ALG14: variants seen among roughly 807,000 people sequenced by gnomAD.
ALG14 encodes ALG14 UDP-N-acetylglucosaminyltransferase subunit, also known as UDP-N-acetylglucosamine transferase subunit ALG14.
ALG14 carries 17 observed loss-of-function variants against 22.8 expected under a neutral mutation model. The observed-to-expected ratio is 0.75, with a 90% CI of 0.51 to 1.12. ALG14 has a LOEUF of 1.12. Ranked by LOEUF, ALG14 falls within the 50% of genes most tolerant of loss-of-function variation. The probability of loss-of-function intolerance (pLI) is 0.00; values close to 1 mark genes in which losing one functional copy is unlikely to be tolerated. For missense variants in ALG14, 288 were observed against 271.8 expected (o/e 1.06, Z -0.42); for synonymous variants, 89 against 103.7 (o/e 0.86, Z 0.86).
chr1:94,988,925 C>T (rs1333799086), intron 3 of ALG14, among the ~76,000 whole-genome samples: 1 of 152,102 alleles, frequency 6.6e-6, no homozygotes, highest in East Asian at 1.9e-4. Context: ...TAACTTACGT[C>T]TTTGTATATA....
chr1:94,994,844 A>C (rs148877928), intron 3 of ALG14, among the ~76,000 whole-genome samples: 73 of 152,348 alleles, frequency 4.8e-4, no homozygotes, highest in Non-Finnish European at 5.3e-4. Context: ...TATAGCTTTA[A>C]TAGAGATATC....
At chr1:94,996,115 G>A (rs773661681) in intron 3 of ALG14, among the ~76,000 whole-genome samples, 3 of 152,196 alleles carry the variant, frequency 2.0e-5, no homozygotes, top group Non-Finnish European at 4.4e-5. Flanking sequence ...GCAAGTAGAG[G>A]AGTGACTCTA....
intron 3 of ALG14, among the ~76,000 whole-genome samples, chr1:94,998,559 T>G (rs928349137): frequency 1.3e-5 from 2 of 152,220 alleles, no homozygotes; most frequent in African/African-American, 4.8e-5. Context: ...CTCATCTATA[T>G]GACTTTATTA....
At chr1:95,012,119 C>T (rs771499344) in intron 3 of ALG14, among the ~76,000 whole-genome samples, 3 of 152,130 alleles carry the variant, frequency 2.0e-5, no homozygotes, top group African/African-American at 4.8e-5. Flanking sequence ...GTAAAACGTG[C>T]CTTTTGCCTT....
At chr1:95,028,843 C>A (rs999106611) in intron 2 of ALG14, among the ~76,000 whole-genome samples, 1 of 151,864 alleles carries the variant, frequency 6.6e-6, no homozygotes, top group African/African-American at 2.4e-5. Flanking sequence ...AACTACATGC[C>A]AGAAATTACA....
chr1:95,052,139 ATATTTTCAGG>A (rs1674771059), intron 2 of ALG14, among the ~76,000 whole-genome samples: 1 of 152,220 alleles, frequency 6.6e-6, no homozygotes, highest in African/African-American at 2.4e-5. Context: ...AAACCAAGAC[ATATTTTCAGG>A]TAAACAAACA....
At chr1:95,068,915 C>T in intron 1 of ALG14, among the ~76,000 whole-genome samples, 1 of 152,032 alleles carries the variant, frequency 6.6e-6, no homozygotes, top group East Asian at 1.9e-4. Flanking sequence ...CCCTTCAGTC[C>T]TTCCCTCCCA....
At chr1:95,032,015 G>GTCAGGCTGGTCTCCAACTCCGGACC (rs1208472279) in intron 2 of ALG14, among the ~76,000 whole-genome samples, 4 of 152,018 alleles carry the variant, frequency 2.6e-5, no homozygotes, top group Non-Finnish European at 5.9e-5. Context: ...CACCATGTTG[G>GTCAGGCTGGTCTCCAACTCCGGACC]TCAGGCTGGT....
At chr1:95,071,220 T>G (rs894639798) in intron 1 of ALG14, among the ~76,000 whole-genome samples, 4 of 152,140 alleles carry the variant, frequency 2.6e-5, no homozygotes, top group African/African-American at 9.7e-5. Context: ...CCCTACATGA[T>G]ATCAACAGTG....
At chr1:95,056,637 T>A (rs1674941914) in intron 2 of ALG14, among the ~76,000 whole-genome samples, 1 of 151,806 alleles carries the variant, frequency 6.6e-6, no homozygotes, top group South Asian at 2.1e-4. Flanking sequence ...AGTGAGACAC[T>A]GTCTCAAAAA....
intron 3 of ALG14, among the ~76,000 whole-genome samples, chr1:95,011,682 T>C (rs1673367694): frequency 6.6e-6 from 1 of 152,124 alleles, no homozygotes; most frequent in South Asian, 2.1e-4. Flanking sequence ...CCCAAAGTGC[T>C]GGGATTACAG....
At chr1:95,058,474 G>A (rs909603705) in intron 2 of ALG14, among the ~76,000 whole-genome samples, 1 of 150,712 alleles carries the variant, frequency 6.6e-6, no homozygotes, top group Non-Finnish European at 1.5e-5. Flanking sequence ...AAAATTAGCT[G>A]GGCGCCGTGG....
chr1:95,017,295 C>T (rs1673531494), intron 3 of ALG14, among the ~76,000 whole-genome samples: 1 of 152,076 alleles, frequency 6.6e-6, no homozygotes. Flanking sequence ...CTGTTTTTAA[C>T]ACCTATCTGC....
intron 3 of ALG14, among the ~76,000 whole-genome samples, chr1:94,999,824 G>A (rs1013521169): frequency 5.3e-5 from 8 of 151,824 alleles, no homozygotes; most frequent in East Asian, 1.9e-4. Context: ...TCCTTTTCTC[G>A]CCCAAATCCT....
intron 1 of ALG14, among the ~76,000 whole-genome samples, chr1:95,065,294 G>C (rs528077142): frequency 1.3e-5 from 2 of 152,310 alleles, no homozygotes; most frequent in Admixed American, 1.3e-4. Context: ...CATAGCTCTT[G>C]CTATCAAGAA....
intron 3 of ALG14, chr1:95,022,434 T>C: frequency 1.2e-6 from 1 of 852,688 alleles, no homozygotes; most frequent in South Asian, 5.4e-5. Flanking sequence ...TCAAACCACT[T>C]CTCGCAGTGG....
rs150761125 is a variant in ALG14, at chr1:95,017,871, G to C, written c.420+9258C>G. 4.6e-5 allele frequency among the ~76,000 whole-genome samples: 7 copies of C among 152,294 alleles called. No individual in the cohort carries two copies. In the East Asian group the frequency reaches 1.4e-3, roughly 29 times the overall value. ...GGAGCTCCAAGGATCATATGTCCTG[G>C]CAGGAGGTGAGCAGAAGTAAGTGGT... On this transcript the variant is annotated intron_variant, in intron 3 of 3. Coordinates refer to ENST00000370205, the MANE Select transcript of ALG14 (RefSeq NM_144988.4).
intron 2 of ALG14, among the ~76,000 whole-genome samples, chr1:95,062,542 G>A (rs764064389): frequency 7.9e-5 from 12 of 152,008 alleles, no homozygotes; most frequent in Non-Finnish European, 1.2e-4. Flanking sequence ...AAGTGAAAAC[G>A]TGTAGTATTT....
chr1:95,012,419 A>G (rs1296639389), intron 3 of ALG14, among the ~76,000 whole-genome samples: 1 of 152,196 alleles, frequency 6.6e-6, no homozygotes, highest in Non-Finnish European at 1.5e-5. Flanking sequence ...TCGGAACTGA[A>G]CTCACACAAA....
Sources: allele counts gnomAD v4.1 joint callset (sites outside exome capture counted in the v4.1 genomes callset), GRCh38; gene constraint gnomAD v4.1.1; transcripts MANE v1.5; gene names NCBI Gene and HGNC (gene_info 2026-07-23, HGNC 2026-07-21).